LINC00305: variants seen among roughly 807,000 people sequenced by gnomAD.
The protein encoded by LINC00305 is long intergenic non-protein coding RNA 305.
Position 64,088,045 on chromosome 18 carries a change from CCCGGGAGGCGGAGCTTG to C in LINC00305, n.541-7660_541-7644del, listed in dbSNP as rs1381865571. Among the ~76,000 whole-genome samples the C allele has an allele frequency of 7.9e-5, 12 of 152,198 alleles. 1 individual carries two copies. Among genetic ancestry groups the C allele is most frequent in the Middle Eastern group, 3.4e-3 (1 of 294 alleles). On this transcript the variant is annotated intron_variant and non_coding_transcript_variant, in intron 3 of 3. Coordinates refer to ENST00000666468, the Ensembl canonical transcript of LINC00305. ...GGCTGAGGTGAGAGAATGGTGTAAA[CCCGGGAGGCGGAGCTTG>C]CCGGGAGGCGGAGCTTGCCGTGAGC...
chr18:64,108,072 C>T (rs908865431), intron 1 of LINC00305, among the ~76,000 whole-genome samples: 10 of 152,150 alleles, frequency 6.6e-5, no homozygotes, highest in Non-Finnish European at 1.2e-4. Flanking sequence ...AATTATACAT[C>T]CAGGTTTCTA....
chr18:64,130,919 TA>T (rs1163232316), intron 1 of LINC00305, among the ~76,000 whole-genome samples: 4 of 152,170 alleles, frequency 2.6e-5, no homozygotes, highest in Admixed American at 6.5e-5. Context: ...AGACCTTTCA[TA>T]CCATCCTATG....
At chr18:64,138,704 C>CAAAA (rs1052024180) in intron 1 of LINC00305, among the ~76,000 whole-genome samples, 11 of 152,032 alleles carry the variant, frequency 7.2e-5, no homozygotes, top group Admixed American at 7.2e-4. Context: ...GGGTTTGGTG[C>CAAAA]TTTTGTGGTT....
At chr18:64,096,683 G>A (rs2051246415) in intron 3 of LINC00305, among the ~76,000 whole-genome samples, 1 of 151,752 alleles carries the variant, frequency 6.6e-6, no homozygotes, top group Non-Finnish European at 1.5e-5. Context: ...AAAAATTAAT[G>A]AATATAATAT....
intron 3 of LINC00305, among the ~76,000 whole-genome samples, chr18:64,096,398 A>T (rs1012292893): frequency 6.6e-6 from 1 of 151,940 alleles, no homozygotes; most frequent in Admixed American, 6.6e-5. Flanking sequence ...AAACAGGGAT[A>T]ATAAAAAGTG....
At chr18:64,092,764 G>A (rs563014551) in intron 3 of LINC00305, among the ~76,000 whole-genome samples, 2 of 152,278 alleles carry the variant, frequency 1.3e-5, no homozygotes, top group South Asian at 4.1e-4. Flanking sequence ...TATGCCGAGA[G>A]CAAGACTTGT....
intron 1 of LINC00305, among the ~76,000 whole-genome samples, chr18:64,140,622 C>T (rs766956291): frequency 1.3e-5 from 2 of 152,146 alleles, no homozygotes; most frequent in South Asian, 2.1e-4. Flanking sequence ...GTTTTGTTGA[C>T]TTCTTGATCC....
chr18:64,097,222 T>A (rs2051248391), intron 3 of LINC00305, among the ~76,000 whole-genome samples: 1 of 152,078 alleles, frequency 6.6e-6, no homozygotes. Context: ...CCATGAAAGA[T>A]GTATTTTTAA....
intron 1 of LINC00305, among the ~76,000 whole-genome samples, chr18:64,125,314 A>G (rs79944675): frequency 5.2e-4 from 79 of 152,112 alleles, no homozygotes; most frequent in African/African-American, 1.9e-3. Flanking sequence ...CTCATACCCC[A>G]GTGCTCCCAG....
At chr18:64,114,931 G>A (rs768703162) in intron 1 of LINC00305, among the ~76,000 whole-genome samples, 1 of 152,158 alleles carries the variant, frequency 6.6e-6, no homozygotes, top group Non-Finnish European at 1.5e-5. Context: ...TACATAAAGA[G>A]GTAAAAAGCC....
At chr18:64,139,516 A>G (rs1032261322) in intron 1 of LINC00305, 1 of 152,206 alleles carries the variant, frequency 6.6e-6, no homozygotes, top group Non-Finnish European at 1.5e-5. Flanking sequence ...TCAGTCCAGC[A>G]TTGTCTGAAG....
At chr18:64,147,022 C>T (rs907504952) in intron 1 of LINC00305, among the ~76,000 whole-genome samples, 3 of 152,150 alleles carry the variant, frequency 2.0e-5, no homozygotes, top group Admixed American at 2.0e-4. Flanking sequence ...ACGTTTTCTT[C>T]TTCAAAAAGT....
intron 1 of LINC00305, among the ~76,000 whole-genome samples, chr18:64,106,127 G>C (rs17072581): frequency 0.17 from 25,127 of 152,176 alleles, 2,171 homozygotes; most frequent in Admixed American, 0.22. Flanking sequence ...CTGAACTTTA[G>C]AAGGTTTATT....
chr18:64,132,670 A>G (rs1254828010), intron 1 of LINC00305, among the ~76,000 whole-genome samples: 1 of 152,136 alleles, frequency 6.6e-6, no homozygotes, highest in Non-Finnish European at 1.5e-5. Flanking sequence ...ATAGTGTATG[A>G]GTTTAGCCAC....
At chr18:64,133,078 G>A (rs1031485869) in intron 1 of LINC00305, among the ~76,000 whole-genome samples, 2 of 152,158 alleles carry the variant, frequency 1.3e-5, no homozygotes, top group Non-Finnish European at 2.9e-5. Flanking sequence ...GCCAATTTTG[G>A]GTTGTTTACA....
intron 1 of LINC00305, among the ~76,000 whole-genome samples, chr18:64,112,748 T>C (rs1249857120): frequency 6.6e-6 from 1 of 152,210 alleles, no homozygotes; most frequent in Non-Finnish European, 1.5e-5. Context: ...TTGATCTCTC[T>C]TTCCAGAAAG....
At chr18:64,088,052 G>A (rs1383125289) in intron 3 of LINC00305, among the ~76,000 whole-genome samples, 2 of 152,070 alleles carry the variant, frequency 1.3e-5, no homozygotes, top group African/African-American at 4.8e-5. Flanking sequence ...AAACCCGGGA[G>A]GCGGAGCTTG....
At position 64,137,274 on chromosome 18, in the gene LINC00305, C is replaced by T. The variant is rs572630487; in HGVS notation, n.314+11501G>A. 3.9e-5 allele frequency among the ~76,000 whole-genome samples: 6 copies of T among 152,270 alleles called. No individual in the cohort carries two copies. In the East Asian group the frequency reaches 9.7e-4, roughly 25 times the overall value. ...GCAAAGAAGGATCTTTCGCTAGAGCCTTTGGATGGAGCATGGCCCTGCCAG... is the reference window on the plus strand; with the variant it reads ...GCAAAGAAGGATCTTTCGCTAGAGCTTTTGGATGGAGCATGGCCCTGCCAG... On this transcript the variant is annotated intron_variant and non_coding_transcript_variant, in intron 1 of 3. Coordinates refer to ENST00000666468, the Ensembl canonical transcript of LINC00305.
rs967347412 is a variant in LINC00305 at position 64,125,063 on chromosome 18, A to G, written n.314+23712T>C. ...GACACTGCTCACAGTGAGTTGTAGA[A>G]TATTTTCAATCAAAAGCATGTAAAT... On this transcript the variant is annotated intron_variant and non_coding_transcript_variant, in intron 1 of 3. Coordinates refer to ENST00000666468, the Ensembl canonical transcript of LINC00305. Among the ~76,000 whole-genome samples the G allele has an allele frequency of 4.6e-5, 7 of 152,142 alleles. No individual in the cohort carries two copies. In the East Asian group the frequency reaches 1.3e-3, roughly 29 times the overall value.
Sources: allele counts gnomAD v4.1 joint callset (sites outside exome capture counted in the v4.1 genomes callset), GRCh38; gene constraint gnomAD v4.1.1; transcripts MANE v1.5; gene names NCBI Gene and HGNC (gene_info 2026-07-23, HGNC 2026-07-21).